Variants in SGCZ observed in about 807,000 individuals in gnomAD.
The protein encoded by SGCZ is sarcoglycan zeta.
Under a neutral mutation model 41.3 loss-of-function variants are expected in SGCZ, and 40 were observed. That is an observed-to-expected ratio of 0.97 (90% CI 0.75 to 1.26). The LOEUF is 1.26. SGCZ is among the 50% of genes most tolerant of loss of function. The pLI, the probability that SGCZ is intolerant of heterozygous loss-of-function variation, is 0.00. For synonymous variants in SGCZ, 206 were observed against 137.5 expected (o/e 1.50, Z -3.49); for missense variants, 552 against 369.8 (o/e 1.49, Z -4.04).
At chr8:15,217,199 C>T (rs1439904271) in intron 1 of SGCZ, among the ~76,000 whole-genome samples, 3 of 151,910 alleles carry the variant, frequency 2.0e-5, no homozygotes, top group African/African-American at 2.4e-5. Flanking sequence ...GGGCGGATCA[C>T]GAGGTCAGGA....
chr8:15,235,604 A>G (rs1802094863), intron 1 of SGCZ, among the ~76,000 whole-genome samples: 1 of 152,150 alleles, frequency 6.6e-6, no homozygotes, highest in Admixed American at 6.6e-5. Flanking sequence ...AGTGACATTA[A>G]GCTGAGATCT....
At chr8:14,769,170 A>C (rs1384309343) in intron 1 of SGCZ, among the ~76,000 whole-genome samples, 1 of 152,162 alleles carries the variant, frequency 6.6e-6, no homozygotes, top group East Asian at 1.9e-4. Flanking sequence ...AGCGAGGGAA[A>C]AACAGATGGA....
At chr8:14,558,136 C>T (rs1804089623) in intron 1 of SGCZ, among the ~76,000 whole-genome samples, 1 of 152,056 alleles carries the variant, frequency 6.6e-6, no homozygotes, top group Non-Finnish European at 1.5e-5. Context: ...AAACACTGAA[C>T]AGACCAATAA....
At chr8:14,611,279 G>A (rs1411060347) in intron 1 of SGCZ, among the ~76,000 whole-genome samples, 1 of 151,706 alleles carries the variant, frequency 6.6e-6, no homozygotes, top group Non-Finnish European at 1.5e-5. Flanking sequence ...TATTCCCTTT[G>A]AGAAATAATC....
intron 2 of SGCZ, among the ~76,000 whole-genome samples, chr8:14,356,718 G>C (rs1426696940): frequency 6.6e-6 from 1 of 151,856 alleles, no homozygotes. Context: ...AAACCTATTT[G>C]ATTATATATA....
chr8:14,486,061 A>T (rs1801665696), intron 2 of SGCZ, among the ~76,000 whole-genome samples: 1 of 152,166 alleles, frequency 6.6e-6, no homozygotes, highest in African/African-American at 2.4e-5. Flanking sequence ...AGATCTACTG[A>T]TACAATACAA....
chr8:14,528,728 C>A (rs1453144802), intron 2 of SGCZ, among the ~76,000 whole-genome samples: 1 of 151,564 alleles, frequency 6.6e-6, no homozygotes, highest in East Asian at 2.0e-4. Context: ...TCTGCCCTGG[C>A]CCAATTTCTA....
At chr8:14,449,569 C>A (rs1356896605) in intron 2 of SGCZ, among the ~76,000 whole-genome samples, 2 of 152,136 alleles carry the variant, frequency 1.3e-5, no homozygotes, top group Non-Finnish European at 2.9e-5. Context: ...TAGGTCAGTT[C>A]ATTGAGTCTG....
At chr8:15,026,476 T>A (rs1431572025) in intron 1 of SGCZ, among the ~76,000 whole-genome samples, 3 of 152,190 alleles carry the variant, frequency 2.0e-5, no homozygotes, top group Admixed American at 6.5e-5. Context: ...GACAAAAAGT[T>A]TGCTCTTATG....
At chr8:14,835,327 G>A (rs777865460) in intron 1 of SGCZ, among the ~76,000 whole-genome samples, 12 of 152,072 alleles carry the variant, frequency 7.9e-5, no homozygotes, top group Non-Finnish European at 1.6e-4. Context: ...TTTTTCTGTA[G>A]TTATACATTA....
At chr8:14,303,003 T>C (rs932094907) in intron 3 of SGCZ, among the ~76,000 whole-genome samples, 7 of 152,190 alleles carry the variant, frequency 4.6e-5, no homozygotes, top group Non-Finnish European at 8.8e-5. Context: ...GGGCCTCCTT[T>C]GCTCTAGCAT....
intron 1 of SGCZ, among the ~76,000 whole-genome samples, chr8:14,957,327 A>C (rs1800823283): frequency 6.6e-6 from 1 of 152,246 alleles, no homozygotes; most frequent in East Asian, 1.9e-4. Flanking sequence ...AAACTTTTGT[A>C]GTAAAGTAAG....
intron 1 of SGCZ, among the ~76,000 whole-genome samples, chr8:15,198,358 G>C (rs554449502): frequency 4.1e-4 from 62 of 152,044 alleles, no homozygotes; most frequent in African/African-American, 1.5e-3. Context: ...AGTTTCTCAT[G>C]ATTCTTTTAT....
intron 1 of SGCZ, among the ~76,000 whole-genome samples, chr8:14,965,773 A>T (rs1434646093): frequency 6.6e-6 from 1 of 152,186 alleles, no homozygotes; most frequent in East Asian, 1.9e-4. Context: ...ACTTATAAAC[A>T]GTGAAAGAAT....
chr8:14,568,890 C>A (rs537816387), intron 1 of SGCZ, among the ~76,000 whole-genome samples: 1 of 152,186 alleles, frequency 6.6e-6, no homozygotes, highest in South Asian at 2.1e-4. Flanking sequence ...GAGTATAATT[C>A]AAGCAATTGG....
At chr8:14,934,934 T>A (rs1188597796) in intron 1 of SGCZ, among the ~76,000 whole-genome samples, 2 of 144,250 alleles carry the variant, frequency 1.4e-5, no homozygotes, top group African/African-American at 2.6e-5. Flanking sequence ...GAAAAAAAAA[T>A]AATCCTTCAA....
At chr8:14,674,665 G>C (rs1185098347) in intron 1 of SGCZ, among the ~76,000 whole-genome samples, 5 of 152,042 alleles carry the variant, frequency 3.3e-5, no homozygotes, top group Non-Finnish European at 7.4e-5. Flanking sequence ...GGTGATTGTG[G>C]ATCATGGGGG....
chr8:14,510,519 T>A (rs898629943), intron 2 of SGCZ, among the ~76,000 whole-genome samples: 1 of 152,098 alleles, frequency 6.6e-6, no homozygotes, highest in Non-Finnish European at 1.5e-5. Context: ...GATCTACTGG[T>A]AAGCTAATAA....
At chr8:14,815,851 C>A (rs1339886257) in intron 1 of SGCZ, among the ~76,000 whole-genome samples, 40 of 152,190 alleles carry the variant, frequency 2.6e-4, no homozygotes, top group Admixed American at 2.6e-3. Flanking sequence ...ATTCTTAAGA[C>A]TTCACTTGGA....
Sources: gnomAD v4.1 joint callset for allele counts (sites outside exome capture counted in the v4.1 genomes callset) on GRCh38, gnomAD v4.1.1 for gene constraint, MANE v1.5 for transcripts, NCBI Gene and HGNC (gene_info 2026-07-23, HGNC 2026-07-21) for gene names.